The following DNAAF11 variants were observed in gnomAD, a reference collection of about 807,000 sequenced individuals.
The protein encoded by DNAAF11 is dynein axonemal assembly factor 11.
DNAAF11 carries 45 observed loss-of-function variants against 60.8 expected under a neutral mutation model. The ratio of observed to expected loss-of-function variants is 0.74; its 90% CI spans 0.58 to 0.95. DNAAF11 has a LOEUF of 0.95. DNAAF11 is among the 40% of genes least tolerant of loss of function. The pLI is 0.00. For missense variants in DNAAF11, 546 were observed against 546.2 expected (o/e 1.00, Z 0.00); for synonymous variants, 191 against 183.5 (o/e 1.04, Z -0.33).
At chr8:132,624,255 GT>G (rs1414913215) in intron 6 of DNAAF11, among the ~76,000 whole-genome samples, 4 of 152,120 alleles carry the variant, frequency 2.6e-5, no homozygotes, top group Non-Finnish European at 4.4e-5. Context: ...TAACAGTACA[GT>G]GGGGTAGGTA....
chr8:132,698,937 C>T, the DNAAF11 span, among the ~76,000 whole-genome samples: 63,274 of 142,510 alleles, frequency 0.44, 17,085 homozygotes, highest in African/African-American at 0.78. Flanking sequence ...TATATGTATA[C>T]ATATATATAT....
chr8:132,656,441 C>T (rs1303186493), intron 3 of DNAAF11, among the ~76,000 whole-genome samples: 3 of 152,072 alleles, frequency 2.0e-5, no homozygotes, highest in Admixed American at 6.6e-5. Flanking sequence ...TAAAAGCGTA[C>T]CTATTTTTAT....
intron 3 of DNAAF11, among the ~76,000 whole-genome samples, chr8:132,647,171 G>A (rs964052903): frequency 5.9e-5 from 9 of 152,210 alleles, no homozygotes; most frequent in East Asian, 5.8e-4. Flanking sequence ...AATCAAACTC[G>A]AACTCAAGAT....
intron 3 of DNAAF11, chr8:132,643,720 C>A (rs1200511324): frequency 4.4e-6 from 2 of 456,082 alleles, no homozygotes; most frequent in East Asian, 7.0e-5. Context: ...AGCAGATAAG[C>A]ATGATGTAAG....
At chr8:132,610,431 T>A (rs910071136) in intron 9 of DNAAF11, among the ~76,000 whole-genome samples, 170 bp from the exon 10 acceptor site, 1 of 152,196 alleles carries the variant, frequency 6.6e-6, no homozygotes, top group African/African-American at 2.4e-5. Flanking sequence ...CAAACTATTT[T>A]ACCTATTTTA....
chr8:132,641,785 C>A lies in DNAAF11; in HGVS notation c.257-3678G>T, dbSNP rs146335968. On this transcript the variant is annotated intron_variant, in intron 3 of 11. Transcript: ENST00000620350. The stretch of plus-strand genomic sequence containing the variant: ...TTACATGATATAAAATAAATAAGCA[C>A]ATGTAGGAAGAGACTCAATGTAGAA... Among the ~76,000 whole-genome samples the A allele has an allele frequency of 2.8e-3, 419 of 152,220 alleles. 2 individuals carry two copies. The highest frequency in any genetic ancestry group is 5.2e-3 in the Non-Finnish European group (353 of 67,996).
chr8:132,590,045 C>T (rs1816300944), intron 10 of DNAAF11, among the ~76,000 whole-genome samples: 1 of 152,312 alleles, frequency 6.6e-6, no homozygotes, highest in Non-Finnish European at 1.5e-5. Context: ...AGTACAGGTG[C>T]TGAACCTGTT....
chr8:132,606,164 C>T (rs895663011), intron 10 of DNAAF11, among the ~76,000 whole-genome samples: 2 of 152,172 alleles, frequency 1.3e-5, no homozygotes, highest in African/African-American at 2.4e-5. Flanking sequence ...AACAAACCTA[C>T]TGCACTGCCA....
intron 11 of DNAAF11, among the ~76,000 whole-genome samples, chr8:132,580,698 C>T (rs1815234974): frequency 6.6e-6 from 1 of 151,916 alleles, no homozygotes; most frequent in African/African-American, 2.4e-5. Flanking sequence ...AAACAGATAC[C>T]AAATAAGATC....
In DNAAF11 at chr8:132,572,491, A is replaced by T. The variant is rs778867762; in HGVS notation, c.1227-11T>A. 8 of 1,558,948 alleles carry T rather than the reference A, an allele frequency of 5.1e-6. No homozygotes were observed. Among genetic ancestry groups the T allele is most frequent in the Non-Finnish European group, 8.7e-7 (1 of 1,152,434 alleles). ...TCCATGTGCTTGCTTCTATAACAAC[A>T]AAAAAAGACAAACAGAAACTGATAC... On this transcript the variant is annotated splice_polypyrimidine_tract_variant and intron_variant, in intron 11 of 11. Coordinates refer to ENST00000620350, the MANE Select transcript of DNAAF11 (RefSeq NM_012472.6).
intron 3 of DNAAF11, among the ~76,000 whole-genome samples, chr8:132,645,465 G>T (rs941127634): frequency 6.6e-6 from 1 of 152,298 alleles, no homozygotes; most frequent in East Asian, 1.9e-4. Context: ...GCCAGCAACG[G>T]AACAAAGCTG....
At chr8:132,617,538 T>G (rs1293466749) in intron 7 of DNAAF11, among the ~76,000 whole-genome samples, 1 of 152,162 alleles carries the variant, frequency 6.6e-6, no homozygotes, top group African/African-American at 2.4e-5. Context: ...TTAAGGAGAT[T>G]TTAGGCTGAG....
At chr8:132,674,349 C>A (rs1362045016) in intron 1 of DNAAF11, among the ~76,000 whole-genome samples, 1 of 152,064 alleles carries the variant, frequency 6.6e-6, no homozygotes, top group Non-Finnish European at 1.5e-5. Context: ...TCACTCCCCC[C>A]CGACCCCCAC....
At chr8:132,590,907 T>A (rs1048824912) in intron 10 of DNAAF11, among the ~76,000 whole-genome samples, 1 of 152,250 alleles carries the variant, frequency 6.6e-6, no homozygotes, top group Non-Finnish European at 1.5e-5. Context: ...ACATTGCTAT[T>A]CAAAATTATA....
At chr8:132,687,966 T>A in the DNAAF11 span, among the ~76,000 whole-genome samples, 1 of 152,208 alleles carries the variant, frequency 6.6e-6, no homozygotes, top group Non-Finnish European at 1.5e-5. Flanking sequence ...AGTTACTTCA[T>A]GTAAACAATG....
At chr8:132,695,313 A>G in the DNAAF11 span, among the ~76,000 whole-genome samples, 1 of 152,178 alleles carries the variant, frequency 6.6e-6, no homozygotes, top group Non-Finnish European at 1.5e-5. Flanking sequence ...TTATTACAAC[A>G]CGCTGGCATG....
At chr8:132,591,140 T>G (rs1411727813) in intron 10 of DNAAF11, among the ~76,000 whole-genome samples, 1 of 152,218 alleles carries the variant, frequency 6.6e-6, no homozygotes, top group Admixed American at 6.5e-5. Context: ...TTTTAAGGCT[T>G]GATATGTGTC....
At chr8:132,611,921 G>A (rs868361753) in intron 8 of DNAAF11, among the ~76,000 whole-genome samples, 3 of 152,158 alleles carry the variant, frequency 2.0e-5, no homozygotes, top group Non-Finnish European at 1.5e-5. Flanking sequence ...CCACTCATGA[G>A]CAAATTAAAG....
intron 11 of DNAAF11, chr8:132,578,542 A>T: frequency 7.3e-7 from 1 of 1,369,282 alleles, no homozygotes; most frequent in Non-Finnish European, 1.0e-6. Context: ...AACAGATTTA[A>T]CATCATGGAA....
Sources: gnomAD v4.1 joint callset for allele counts (sites outside exome capture counted in the v4.1 genomes callset) on GRCh38, gnomAD v4.1.1 for gene constraint, MANE v1.5 for transcripts, NCBI Gene and HGNC (gene_info 2026-07-23, HGNC 2026-07-21) for gene names.